The following KCNH8 variants were observed in gnomAD, a reference collection of about 807,000 sequenced individuals.
KCNH8 encodes voltage-gated delayed rectifier potassium channel KCNH8.
In KCNH8, 70 loss-of-function variants were observed where a neutral mutation model predicts 103.6. That is an observed-to-expected ratio of 0.68 (90% CI 0.56 to 0.82). The LOEUF is 0.82. KCNH8 is among the 40% of genes least tolerant of loss of function. The pLI is 0.00. For missense variants in KCNH8, 1,217 were observed against 1,329.9 expected (o/e 0.92, Z 1.32); for synonymous variants, 498 against 489.4 (o/e 1.02, Z -0.23).
rs74537238 is a variant in KCNH8, at chr3:19,345,713, A to G, written c.571-2012A>G. On this transcript the variant is annotated intron_variant, in intron 4 of 15. Transcript: ENST00000328405. ...CAAAAGCTGGTGGAAGAAGAGAAGC[A>G]TCTATTTTTTTCACTCAGGTGATTA... is the stretch of plus-strand genomic sequence containing the variant. 6.3e-3 allele frequency among the ~76,000 whole-genome samples: 964 copies of G among 152,144 alleles called. 6 individuals carry two copies. Among genetic ancestry groups the G allele is most frequent in the African/African-American group, 0.022 (894 of 41,530 alleles).
At chr3:19,190,691 T>A (rs1037801750) in intron 1 of KCNH8, among the ~76,000 whole-genome samples, 1 of 151,920 alleles carries the variant, frequency 6.6e-6, no homozygotes, top group African/African-American at 2.4e-5. Flanking sequence ...ATGAGCTAAT[T>A]TACTGAAGCA....
intron 1 of KCNH8, among the ~76,000 whole-genome samples, chr3:19,173,578 T>C (rs2063369074): frequency 6.6e-6 from 1 of 152,080 alleles, no homozygotes; most frequent in Admixed American, 6.6e-5. Context: ...GTAAGTTTCA[T>C]AGAGTAAGCG....
chr3:19,465,405 C>G (rs2067714684), intron 11 of KCNH8, among the ~76,000 whole-genome samples: 1 of 152,082 alleles, frequency 6.6e-6, no homozygotes, highest in Admixed American at 6.6e-5. Flanking sequence ...ACCTAGTGCT[C>G]AGAATAAAAG....
intron 3 of KCNH8, among the ~76,000 whole-genome samples, chr3:19,288,840 C>A (rs917586807): frequency 3.3e-5 from 5 of 152,132 alleles, no homozygotes; most frequent in African/African-American, 9.7e-5. Flanking sequence ...GTTTGCAGTC[C>A]CACCAACAGT....
intron 3 of KCNH8, among the ~76,000 whole-genome samples, chr3:19,335,610 A>G (rs1367976871): frequency 2.0e-5 from 3 of 151,340 alleles, no homozygotes; most frequent in Admixed American, 2.0e-4. Context: ...CAAAAGAATT[A>G]TTTGTTCCTT....
intron 5 of KCNH8, among the ~76,000 whole-genome samples, chr3:19,364,881 G>A (rs1448668582): frequency 6.6e-6 from 1 of 152,072 alleles, no homozygotes; most frequent in African/African-American, 2.4e-5. Context: ...AAGATGAAAC[G>A]CTATCATAAA....
chr3:19,363,666 T>G (rs966640440), intron 5 of KCNH8, among the ~76,000 whole-genome samples: 2 of 152,188 alleles, frequency 1.3e-5, no homozygotes, highest in Admixed American at 1.3e-4. Flanking sequence ...CATTGAACTC[T>G]ACTCATATCA....
intron 1 of KCNH8, among the ~76,000 whole-genome samples, chr3:19,152,511 G>GTAGCCCA (rs1432804344): frequency 6.6e-6 from 1 of 152,138 alleles, no homozygotes; most frequent in Non-Finnish European, 1.5e-5. Context: ...AAGGAAGTTT[G>GTAGCCCA]TAGCCCAGTG....
chr3:19,362,564 C>T (rs1364991944), intron 5 of KCNH8, among the ~76,000 whole-genome samples: 1 of 152,102 alleles, frequency 6.6e-6, no homozygotes, highest in Non-Finnish European at 1.5e-5. Context: ...TCTCAAATAC[C>T]TTCAGCTATA....
intron 11 of KCNH8, among the ~76,000 whole-genome samples, chr3:19,501,090 G>A (rs894822319): frequency 6.6e-6 from 1 of 151,864 alleles, no homozygotes; most frequent in African/African-American, 2.4e-5. Context: ...AATGATAAAG[G>A]GGATATCACC....
chr3:19,462,451 G>A (rs1347123776), intron 11 of KCNH8, among the ~76,000 whole-genome samples: 3 of 152,156 alleles, frequency 2.0e-5, no homozygotes, highest in Non-Finnish European at 4.4e-5. Flanking sequence ...TTTCAGAAGT[G>A]TCTGTTCATA....
At chr3:19,300,076 C>G (rs2065046361) in intron 3 of KCNH8, among the ~76,000 whole-genome samples, 1 of 151,772 alleles carries the variant, frequency 6.6e-6, no homozygotes, top group Non-Finnish European at 1.5e-5. Context: ...TGGCGAAACC[C>G]CATCTCTACT....
chr3:19,516,671 TATCAC>T (rs1559367973), intron 14 of KCNH8, among the ~76,000 whole-genome samples: 3 of 152,000 alleles, frequency 2.0e-5, no homozygotes, highest in Admixed American at 6.6e-5. Context: ...TTCCTTAACC[TATCAC>T]CTACCCCTAC....
chr3:19,175,426 G>A (rs1387063557), intron 1 of KCNH8, among the ~76,000 whole-genome samples: 2 of 151,770 alleles, frequency 1.3e-5, no homozygotes, highest in African/African-American at 2.4e-5. Flanking sequence ...TTTCACCGTG[G>A]TCTCGATCTC....
At chr3:19,529,928 A>G (rs2069131296) in intron 15 of KCNH8, among the ~76,000 whole-genome samples, 1 of 152,166 alleles carries the variant, frequency 6.6e-6, no homozygotes, top group African/African-American at 2.4e-5. Flanking sequence ...TTTTAGTTCA[A>G]GCTAGGATAG....
intron 1 of KCNH8, among the ~76,000 whole-genome samples, chr3:19,206,541 A>C (rs902311950): frequency 1.3e-5 from 2 of 151,948 alleles, no homozygotes; most frequent in Non-Finnish European, 2.9e-5. Context: ...GTTAGTTTTT[A>C]TTCTAGATAA....
intron 1 of KCNH8, among the ~76,000 whole-genome samples, chr3:19,204,683 C>A (rs1436379878): frequency 2.0e-5 from 3 of 151,914 alleles, no homozygotes; most frequent in Non-Finnish European, 4.4e-5. Flanking sequence ...TTTTCTTTAG[C>A]CTGAAGTATT....
At chr3:19,462,410 C>T (rs1236261412) in intron 11 of KCNH8, among the ~76,000 whole-genome samples, 3 of 152,184 alleles carry the variant, frequency 2.0e-5, no homozygotes. Context: ...AGCATTTCTT[C>T]ATGTGTCTGT....
chr3:19,326,745 T>C (rs902191467), intron 3 of KCNH8, among the ~76,000 whole-genome samples: 3 of 152,180 alleles, frequency 2.0e-5, no homozygotes, highest in Non-Finnish European at 4.4e-5. Flanking sequence ...ATCCCCAAAC[T>C]CATTGTACCA....
Sources: allele counts gnomAD v4.1 joint callset (sites outside exome capture counted in the v4.1 genomes callset), GRCh38; gene constraint gnomAD v4.1.1; transcripts MANE v1.5; gene names NCBI Gene and HGNC (gene_info 2026-07-23, HGNC 2026-07-21).